OPCML: variants seen among roughly 807,000 people sequenced by gnomAD.
OPCML encodes opioid binding protein/cell adhesion molecule like.
OPCML carries 13 observed loss-of-function variants against 37.8 expected under a neutral mutation model. The observed-to-expected ratio is 0.34, with a 90% CI of 0.22 to 0.55. OPCML has a LOEUF of 0.55. OPCML is among the 20% of genes least tolerant of loss of function. OPCML has a pLI of 0.91. For synonymous variants in OPCML, 176 were observed against 168.8 expected (o/e 1.04, Z -0.33); for missense variants, 341 against 435.6 (o/e 0.78, Z 1.93).
At chr11:133,442,028 C>T (rs920010632) in intron 1 of OPCML, among the ~76,000 whole-genome samples, 1 of 152,112 alleles carries the variant, frequency 6.6e-6, no homozygotes, top group African/African-American at 2.4e-5. Context: ...TACTGGCCAG[C>T]CACTGTTTTA....
chr11:132,450,091 C>T (rs2096064829), intron 4 of OPCML, among the ~76,000 whole-genome samples: 1 of 152,182 alleles, frequency 6.6e-6, no homozygotes, highest in East Asian at 1.9e-4. Flanking sequence ...TGGTCGTCCT[C>T]CAAAGCACCC....
At chr11:132,753,663 A>G (rs2136075724) in intron 2 of OPCML, among the ~76,000 whole-genome samples, 1 of 152,350 alleles carries the variant, frequency 6.6e-6, no homozygotes, top group Non-Finnish European at 1.5e-5. Flanking sequence ...ATGGGTATAC[A>G]TAGGAACTGT....
At chr11:132,871,367 T>C (rs1294224545) in intron 2 of OPCML, among the ~76,000 whole-genome samples, 3 of 152,358 alleles carry the variant, frequency 2.0e-5, no homozygotes, top group Middle Eastern at 3.4e-3. Flanking sequence ...CAAATACTAT[T>C]ATCATCAGAA....
At chr11:133,422,524 G>A (rs963848844) in intron 1 of OPCML, 9 of 978,164 alleles carry the variant, frequency 9.2e-6, no homozygotes, top group Non-Finnish European at 9.7e-6. Context: ...TTTTAGAGAC[G>A]GGGTCCTGCT....
intron 1 of OPCML, among the ~76,000 whole-genome samples, chr11:133,405,574 A>C (rs1173980615): frequency 6.6e-6 from 1 of 152,174 alleles, no homozygotes; most frequent in East Asian, 1.9e-4. Flanking sequence ...TCTTCATGCA[A>C]ATCTGCTGAG....
At chr11:132,645,104 G>A (rs1157356124) in intron 3 of OPCML, among the ~76,000 whole-genome samples, 3 of 152,198 alleles carry the variant, frequency 2.0e-5, no homozygotes, top group Admixed American at 1.3e-4. Context: ...AGGGCACCTT[G>A]TTTAGGGGTG....
chr11:132,751,137 C>T (rs925772229), intron 2 of OPCML, among the ~76,000 whole-genome samples: 2 of 152,190 alleles, frequency 1.3e-5, no homozygotes, highest in African/African-American at 4.8e-5. Context: ...TCATTTGGGT[C>T]AAAATCCAAC....
intron 1 of OPCML, among the ~76,000 whole-genome samples, chr11:133,273,963 A>G (rs932189900): frequency 6.6e-6 from 1 of 152,228 alleles, no homozygotes; most frequent in Non-Finnish European, 1.5e-5. Context: ...CAATAACATC[A>G]TGATATAATT....
intron 3 of OPCML, among the ~76,000 whole-genome samples, chr11:132,585,194 A>C (rs1049553351): frequency 6.6e-6 from 1 of 151,970 alleles, no homozygotes; most frequent in Non-Finnish European, 1.5e-5. Flanking sequence ...CATCGATGTC[A>C]CTCTGTCTCA....
chr11:132,468,104 C>T (rs2096125281), intron 4 of OPCML, among the ~76,000 whole-genome samples: 1 of 152,202 alleles, frequency 6.6e-6, no homozygotes, highest in Non-Finnish European at 1.5e-5. Flanking sequence ...CCAACCCAGC[C>T]TCCCTCTCTT....
intron 1 of OPCML, among the ~76,000 whole-genome samples, chr11:133,519,216 T>C (rs903938755): frequency 6.6e-6 from 1 of 152,224 alleles, no homozygotes; most frequent in African/African-American, 2.4e-5. Flanking sequence ...CCTAACTTTC[T>C]GCCTAGTTCT....
chr11:133,477,585 A>G (rs1947271809), intron 1 of OPCML, among the ~76,000 whole-genome samples: 1 of 152,100 alleles, frequency 6.6e-6, no homozygotes, highest in Non-Finnish European at 1.5e-5. Context: ...GTAGAGGTGG[A>G]CAGGACCTTT....
At chr11:133,327,612 C>G (rs1430672621) in intron 1 of OPCML, among the ~76,000 whole-genome samples, 1 of 152,092 alleles carries the variant, frequency 6.6e-6, no homozygotes, top group Middle Eastern at 3.2e-3. Flanking sequence ...TTCTCTCAAT[C>G]AGGTTATCTA....
At chr11:132,631,923 A>G (rs1306884644) in intron 3 of OPCML, among the ~76,000 whole-genome samples, 1 of 152,138 alleles carries the variant, frequency 6.6e-6, no homozygotes, top group Non-Finnish European at 1.5e-5. Context: ...ATGTGTGTTA[A>G]CATCCAGGAC....
chr11:133,182,398 A>C (rs762641886), intron 1 of OPCML, among the ~76,000 whole-genome samples: 15 of 152,188 alleles, frequency 9.9e-5, no homozygotes, highest in Admixed American at 2.0e-4. Flanking sequence ...AGCTGAACAG[A>C]TCTCTTATTC....
intron 2 of OPCML, among the ~76,000 whole-genome samples, chr11:132,680,593 C>T (rs1479732459): frequency 6.6e-6 from 1 of 152,310 alleles, no homozygotes; most frequent in African/African-American, 2.4e-5. Context: ...GGAGCTGGGG[C>T]GGCTGCGGCC....
intron 2 of OPCML, among the ~76,000 whole-genome samples, chr11:132,862,257 T>C (rs1177374026): frequency 2.0e-5 from 3 of 152,140 alleles, no homozygotes; most frequent in Non-Finnish European, 4.4e-5. Context: ...TTTGACCACT[T>C]CTCCATGTTA....
chr11:132,840,244 G>A (rs547934350), intron 2 of OPCML, among the ~76,000 whole-genome samples: 1 of 152,210 alleles, frequency 6.6e-6, no homozygotes, highest in East Asian at 1.9e-4. Context: ...TTTCAGATAT[G>A]GCAAGTAGTC....
chr11:132,935,081 G>A (rs1424808414), intron 2 of OPCML, among the ~76,000 whole-genome samples: 1 of 151,562 alleles, frequency 6.6e-6, no homozygotes, highest in Non-Finnish European at 1.5e-5. Flanking sequence ...GGAGGTTGCG[G>A]TGAGCCAAGA....
Sources: gnomAD v4.1 joint callset for allele counts (sites outside exome capture counted in the v4.1 genomes callset) on GRCh38, gnomAD v4.1.1 for gene constraint, MANE v1.5 for transcripts, NCBI Gene and HGNC (gene_info 2026-07-23, HGNC 2026-07-21) for gene names.